TMC1: variants seen among roughly 807,000 people sequenced by gnomAD.
TMC1 encodes the protein transmembrane channel like 1.
TMC1 carries 84 observed loss-of-function variants against 105.8 expected under a neutral mutation model. The ratio of observed to expected loss-of-function variants is 0.79; its 90% CI spans 0.67 to 0.95. The LOEUF is 0.95. Among genes scored for constraint, TMC1 ranks in the 40% least tolerant of loss-of-function variants. The pLI is 0.00. For synonymous variants in TMC1, 315 were observed against 311.5 expected, an observed-to-expected ratio of 1.01 and a Z score of -0.12; for missense variants, 817 against 914.1, an observed-to-expected ratio of 0.89 and a Z score of 1.37.
chr9:72,768,477 G>A (rs1344772196), intron 12 of TMC1, among the ~76,000 whole-genome samples: 1 of 152,046 alleles, frequency 6.6e-6, no homozygotes, highest in African/African-American at 2.4e-5. Flanking sequence ...ATAATAAAAA[G>A]TTAATTAATT....
At chr9:72,779,829 G>A (rs1828063663) in intron 13 of TMC1, among the ~76,000 whole-genome samples, 1 of 152,174 alleles carries the variant, frequency 6.6e-6, no homozygotes, top group African/African-American at 2.4e-5. Flanking sequence ...AAGCAAGTTA[G>A]ACAACATATT....
At chr9:72,529,112 A>G (rs1254609587) in intron 1 of TMC1, among the ~76,000 whole-genome samples, 1 of 148,322 alleles carries the variant, frequency 6.7e-6, no homozygotes, top group Non-Finnish European at 1.5e-5. Flanking sequence ...TTTTTTTTTT[A>G]ATCAGGGACT....
At chr9:72,706,306 G>A (rs892904597) in intron 8 of TMC1, among the ~76,000 whole-genome samples, 1 of 152,152 alleles carries the variant, frequency 6.6e-6, no homozygotes, top group African/African-American at 2.4e-5. Flanking sequence ...AGGAATAAAA[G>A]ATGCTATACA....
At chr9:72,611,356 G>T (rs1251229084) in intron 2 of TMC1, among the ~76,000 whole-genome samples, 1 of 152,212 alleles carries the variant, frequency 6.6e-6, no homozygotes, top group African/African-American at 2.4e-5. Flanking sequence ...GGCAAGAAAT[G>T]ATGGAAAGGT....
intron 12 of TMC1, among the ~76,000 whole-genome samples, chr9:72,768,611 AAAAACAAAACAACAC>A (rs1827875746): frequency 3.9e-5 from 6 of 152,104 alleles, no homozygotes; most frequent in Admixed American, 3.9e-4. Flanking sequence ...CCCCAACTAG[AAAAACAAAACAACAC>A]AAAACAAAAC....
chr9:72,714,652 T>A (rs182174203), intron 8 of TMC1, among the ~76,000 whole-genome samples: 2 of 152,292 alleles, frequency 1.3e-5, no homozygotes, highest in Admixed American at 1.3e-4. Flanking sequence ...TTTGAGCCTA[T>A]GTGTGTCTTT....
At chr9:72,712,728 C>T (rs1466804111) in intron 8 of TMC1, among the ~76,000 whole-genome samples, 1 of 152,178 alleles carries the variant, frequency 6.6e-6, no homozygotes, top group Non-Finnish European at 1.5e-5. Flanking sequence ...GACAATGTGA[C>T]TTCCTCTTTT....
At chr9:72,568,497 T>C (rs1824208565) in intron 1 of TMC1, among the ~76,000 whole-genome samples, 1 of 152,206 alleles carries the variant, frequency 6.6e-6, no homozygotes, top group Non-Finnish European at 1.5e-5. Flanking sequence ...GGACTTGCTA[T>C]GAGTGAGGCA....
At chr9:72,667,123 A>G (rs567386907) in intron 5 of TMC1, among the ~76,000 whole-genome samples, 1 of 152,198 alleles carries the variant, frequency 6.6e-6, no homozygotes, top group Admixed American at 6.5e-5. Flanking sequence ...AAAAAAAGTA[A>G]TGTCAGATGG....
At chr9:72,767,179 C>G (rs1233515255) in intron 12 of TMC1, among the ~76,000 whole-genome samples, 2 of 152,246 alleles carry the variant, frequency 1.3e-5, no homozygotes, top group African/African-American at 4.8e-5. Context: ...AGACTTGAAT[C>G]TTGCAGTGTC....
At chr9:72,692,164 T>C (rs939895725) in intron 6 of TMC1, among the ~76,000 whole-genome samples, 1 of 152,176 alleles carries the variant, frequency 6.6e-6, no homozygotes, top group Non-Finnish European at 1.5e-5. Flanking sequence ...CTCTCATTGG[T>C]TCCTAACCAG....
chr9:72,555,385 C>T (rs1823912967), intron 1 of TMC1, among the ~76,000 whole-genome samples: 1 of 151,940 alleles, frequency 6.6e-6, no homozygotes, highest in African/African-American at 2.4e-5. Context: ...GATGGGATTT[C>T]ACTGTGTTAG....
chr9:72,534,249 T>A (rs1395240764), intron 1 of TMC1, among the ~76,000 whole-genome samples: 1 of 152,246 alleles, frequency 6.6e-6, no homozygotes, highest in Non-Finnish European at 1.5e-5. Context: ...TTGTTCTCTC[T>A]CTTCTCCAAT....
chr9:72,583,976 T>C (rs1824511798), intron 2 of TMC1, among the ~76,000 whole-genome samples: 1 of 152,216 alleles, frequency 6.6e-6, no homozygotes, highest in Non-Finnish European at 1.5e-5. Flanking sequence ...TGATATATAT[T>C]TCTTGTGGGT....
chr9:72,555,852 A>G (rs549477565), intron 1 of TMC1, among the ~76,000 whole-genome samples: 37 of 151,538 alleles, frequency 2.4e-4, no homozygotes, highest in African/African-American at 8.7e-4. Flanking sequence ...CAAACTCCTG[A>G]CCTTGTGATC....
chr9:72,777,066 T>G lies in TMC1; in HGVS notation c.884+4511T>G, dbSNP rs78362632. ...CCTTGTTCTACAAGACTCTTGCATA[T>G]TCCAAGATAAATCATGGCCAGCTTC... On this transcript the variant is annotated intron_variant, in intron 13 of 23. Coordinates refer to ENST00000297784, the MANE Select transcript of TMC1 (RefSeq NM_138691.3). 2.4e-3 allele frequency among the ~76,000 whole-genome samples: 360 copies of G among 152,240 alleles called. 4 individuals carry two copies. The highest frequency in any genetic ancestry group is 8.3e-3 in the African/African-American group (346 of 41,536).
chr9:72,528,522 C>A (rs1236948289), intron 1 of TMC1, among the ~76,000 whole-genome samples: 1 of 151,980 alleles, frequency 6.6e-6, no homozygotes, highest in Admixed American at 6.6e-5. Context: ...TTGGTAGAGA[C>A]AGGGTTTCTC....
intron 1 of TMC1, among the ~76,000 whole-genome samples, chr9:72,548,523 C>T (rs559606871): frequency 6.7e-5 from 10 of 150,304 alleles, no homozygotes; most frequent in East Asian, 3.9e-4. Flanking sequence ...TTCAAGATCA[C>T]GCCACTGCAC....
At chr9:72,586,557 C>A (rs1039556491) in intron 2 of TMC1, among the ~76,000 whole-genome samples, 1 of 152,124 alleles carries the variant, frequency 6.6e-6, no homozygotes, top group Non-Finnish European at 1.5e-5. Context: ...ACCCTACGTG[C>A]GAAGGTTGCT....
Sources: allele counts gnomAD v4.1 joint callset (sites outside exome capture counted in the v4.1 genomes callset), GRCh38; gene constraint gnomAD v4.1.1; transcripts MANE v1.5; gene names NCBI Gene and HGNC (gene_info 2026-07-23, HGNC 2026-07-21).